TAFA5: variants seen among roughly 807,000 people sequenced by gnomAD.
The protein encoded by TAFA5 is chemokine-like protein TAFA-5.
TAFA5 carries 6 observed loss-of-function variants against 15.3 expected under a neutral mutation model. That is an observed-to-expected ratio of 0.39 (90% CI 0.21 to 0.77). TAFA5 has a LOEUF of 0.77. Among genes scored for constraint, TAFA5 ranks in the 30% least tolerant of loss-of-function variants. The pLI is 0.41. For synonymous variants in TAFA5, 103 were observed against 80.7 expected (o/e 1.28, Z -1.48); for missense variants, 161 against 193.1 (o/e 0.83, Z 0.98).
intron 1 of TAFA5, among the ~76,000 whole-genome samples, chr22:48,582,539 C>A (rs1047427042): frequency 1.4e-4 from 21 of 145,358 alleles, no homozygotes; most frequent in Admixed American, 9.5e-4. Flanking sequence ...ACAAAATACA[C>A]CACATACCAC....
intron 1 of TAFA5, among the ~76,000 whole-genome samples, chr22:48,624,586 A>G (rs372707183): frequency 6.6e-6 from 1 of 152,130 alleles, no homozygotes; most frequent in East Asian, 1.9e-4. Context: ...TGCTTTATTT[A>G]CCGGGTTGCC....
chr22:48,683,793 A>G (rs1192894741), intron 2 of TAFA5, among the ~76,000 whole-genome samples: 3 of 152,156 alleles, frequency 2.0e-5, no homozygotes, highest in Non-Finnish European at 1.5e-5. Flanking sequence ...GCAGGAGGTG[A>G]TTGGATCATG....
chr22:48,631,628 T>G (rs1926231191), intron 1 of TAFA5, among the ~76,000 whole-genome samples: 1 of 152,168 alleles, frequency 6.6e-6, no homozygotes, highest in Non-Finnish European at 1.5e-5. Context: ...CCGAGCCCCG[T>G]GTTAACTGCA....
intron 1 of TAFA5, among the ~76,000 whole-genome samples, chr22:48,564,816 G>A (rs891797389): frequency 2.0e-5 from 3 of 152,208 alleles, no homozygotes; most frequent in African/African-American, 7.2e-5. Flanking sequence ...AGGCTCAGCT[G>A]ACTATAACCA....
intron 1 of TAFA5, 36 bp from the exon 2 acceptor site, chr22:48,646,561 G>A (rs750176903): frequency 1.2e-5 from 19 of 1,606,200 alleles, no homozygotes; most frequent in East Asian, 4.5e-5. Context: ...TGTCTGTAAC[G>A]TGTGGCCGCT....
rs377125032 is a variant in TAFA5 at position 48,528,117 on chromosome 22, G to A, written c.112+38413G>A. ...TGTCCTCTCCTCCTCCACAGGCCCC[G>A]CGATGGCTCTGATGGCGTCGATGAT... is the stretch of plus-strand genomic sequence containing the variant. On this transcript the variant is annotated intron_variant, in intron 1 of 3. Transcript: ENST00000402357. Among the ~76,000 whole-genome samples, 13 of 152,338 alleles carry A rather than the reference G, an allele frequency of 8.5e-5. 1 individual carries two copies. Among genetic ancestry groups the A allele is most frequent in the Non-Finnish European group, 8.8e-5 (6 of 68,032 alleles).
At chr22:48,631,185 AG>A (rs1425011233) in intron 1 of TAFA5, among the ~76,000 whole-genome samples, 2 of 152,184 alleles carry the variant, frequency 1.3e-5, no homozygotes, top group Non-Finnish European at 2.9e-5. Flanking sequence ...TGGGAGAGGC[AG>A]GGGGCCCTTG....
At chr22:48,535,918 C>T (rs902394448) in intron 1 of TAFA5, among the ~76,000 whole-genome samples, 6 of 150,660 alleles carry the variant, frequency 4.0e-5, no homozygotes, top group Non-Finnish European at 8.9e-5. Flanking sequence ...TATGCATATA[C>T]GTAGGTGTGA....
At position 48,674,040 on chromosome 22, in the gene TAFA5, TCACATCTGGACTCCTCTGCCC is replaced by T. The variant is rs1927888904; in HGVS notation, c.262+27295_262+27315del. Among the ~76,000 whole-genome samples, 11 of 134,546 alleles carry T rather than the reference TCACATCTGGACTCCTCTGCCC, an allele frequency of 8.2e-5. No homozygotes were observed. The South Asian group carries it at 2.1e-3, about 26-fold the overall frequency. 88.3% of individuals were successfully genotyped at this position (134,546 alleles called of 152,430 possible). On this transcript the variant is annotated intron_variant, in intron 2 of 3. Coordinates refer to ENST00000402357, the MANE Select transcript of TAFA5 (RefSeq NM_001082967.3). Reference sequence around the variant, plus strand: ...ACATCTGGACTCCTCTTCGCCCGCCTCACATCTGGACTCCTCTGCCCGCCTCACATCTGGACTCCTCTTCGC... The same window carrying T: ...ACATCTGGACTCCTCTTCGCCCGCCTGCCTCACATCTGGACTCCTCTTCGC...
At chr22:48,626,090 A>C (rs1926017273) in intron 1 of TAFA5, among the ~76,000 whole-genome samples, 2 of 151,688 alleles carry the variant, frequency 1.3e-5, no homozygotes, top group African/African-American at 4.8e-5. Context: ...TTATCCATTC[A>C]CCTGTTGAAA....
At chr22:48,515,702 G>T (rs1419234882) in intron 1 of TAFA5, among the ~76,000 whole-genome samples, 1 of 152,194 alleles carries the variant, frequency 6.6e-6, no homozygotes, top group East Asian at 1.9e-4. Context: ...CAAGCGGGAG[G>T]CCCCCGGCTC....
At chr22:48,628,325 T>G (rs1489387217) in intron 1 of TAFA5, among the ~76,000 whole-genome samples, 2 of 152,172 alleles carry the variant, frequency 1.3e-5, no homozygotes, top group African/African-American at 4.8e-5. Context: ...TGGCACACCC[T>G]CCGTGCCAGT....
At chr22:48,625,713 G>A (rs1926005319) in intron 1 of TAFA5, among the ~76,000 whole-genome samples, 1 of 152,212 alleles carries the variant, frequency 6.6e-6, no homozygotes, top group East Asian at 1.9e-4. Flanking sequence ...TGATATTTTA[G>A]ATTTGCATAG....
At chr22:48,649,125 G>T (rs1421223595) in intron 2 of TAFA5, among the ~76,000 whole-genome samples, 2 of 152,202 alleles carry the variant, frequency 1.3e-5, no homozygotes, top group Non-Finnish European at 2.9e-5. Flanking sequence ...GGGGCCGCGG[G>T]CTCTTGGCTG....
chr22:48,731,150 C>G (rs1354439464), intron 3 of TAFA5, among the ~76,000 whole-genome samples: 1 of 152,184 alleles, frequency 6.6e-6, no homozygotes, highest in Non-Finnish European at 1.5e-5. Flanking sequence ...TCTCTTAAGC[C>G]AAAGCCTAAT....
At chr22:48,571,574 G>GTTTTGTTTTTT (rs1923586979) in intron 1 of TAFA5, among the ~76,000 whole-genome samples, 13 of 29,236 alleles carry the variant, frequency 4.4e-4, no homozygotes, top group Admixed American at 1.1e-3. Flanking sequence ...TGCCTGGCCT[G>GTTTTGTTTTTT]TTTTTTTTTT....
At chr22:48,571,362 C>T (rs1923577039) in intron 1 of TAFA5, among the ~76,000 whole-genome samples, 1 of 146,834 alleles carries the variant, frequency 6.8e-6, no homozygotes. Flanking sequence ...GCAACCTCTG[C>T]CTCCTGGGTT....
intron 1 of TAFA5, among the ~76,000 whole-genome samples, chr22:48,554,961 C>CG (rs1569023819): frequency 6.6e-6 from 1 of 152,102 alleles, no homozygotes; most frequent in Admixed American, 6.5e-5. Context: ...AGTCCCTGGG[C>CG]GGGGGCCCAG....
intron 1 of TAFA5, among the ~76,000 whole-genome samples, chr22:48,565,287 G>T (rs896380463): frequency 2.0e-5 from 3 of 152,258 alleles, no homozygotes; most frequent in Admixed American, 1.3e-4. Flanking sequence ...GCTGGCTGCA[G>T]GGGATGGGAA....
Sources: allele counts gnomAD v4.1 joint callset (sites outside exome capture counted in the v4.1 genomes callset), GRCh38; gene constraint gnomAD v4.1.1; transcripts MANE v1.5; gene names NCBI Gene and HGNC (gene_info 2026-07-23, HGNC 2026-07-21).